MBD2: variants seen among roughly 807,000 people sequenced by gnomAD.
MBD2 encodes methyl-CpG binding domain protein 2.
A neutral mutation model predicts 39.3 loss-of-function variants in MBD2; 9 were observed. The observed-to-expected ratio is 0.23, with a 90% CI of 0.14 to 0.40. MBD2 has a LOEUF of 0.40. Ranked by LOEUF, MBD2 falls within the 10% of genes least tolerant of loss-of-function variation. MBD2 has a pLI of 1.00. For missense variants in MBD2, 458 were observed against 532.6 expected (o/e 0.86, Z 1.38); for synonymous variants, 233 against 211.1 (o/e 1.10, Z -0.90).
intron 2 of MBD2, among the ~76,000 whole-genome samples, chr18:54,190,446 C>G (rs2086312858): frequency 6.6e-6 from 1 of 152,206 alleles, no homozygotes; most frequent in South Asian, 2.1e-4. Flanking sequence ...GGATGGGGTG[C>G]TGTCCAGGGT....
chr18:54,197,195 C>T (rs1270612827), intron 2 of MBD2, among the ~76,000 whole-genome samples: 1 of 152,224 alleles, frequency 6.6e-6, no homozygotes, highest in African/African-American at 2.4e-5. Flanking sequence ...TGGACAAATA[C>T]AACAGCTTCC....
intron 3 of MBD2, among the ~76,000 whole-genome samples, chr18:54,180,890 A>ATTTTTTTTTT (rs1568083459): frequency 5.2e-5 from 6 of 114,590 alleles, no homozygotes; most frequent in African/African-American, 2.2e-4. Context: ...GTATTCCTTA[A>ATTTTTTTTTT]TTTTTTCTTT....
intron 6 of MBD2, among the ~76,000 whole-genome samples, chr18:54,155,585 TAACTACA>T (rs2086046603): frequency 1.3e-5 from 2 of 152,246 alleles, no homozygotes; most frequent in Admixed American, 1.3e-4. Context: ...AAATATTTTC[TAACTACA>T]ATTAACTACA....
chr18:54,172,459 A>G (rs1182430406), intron 3 of MBD2, among the ~76,000 whole-genome samples: 6 of 152,206 alleles, frequency 3.9e-5, no homozygotes, highest in Non-Finnish European at 7.4e-5. Flanking sequence ...AAAGGGAGTG[A>G]TTTGCATATA....
chr18:54,205,899 G>C (rs1439245205), intron 1 of MBD2, among the ~76,000 whole-genome samples: 1 of 151,166 alleles, frequency 6.6e-6, no homozygotes, highest in African/African-American at 2.4e-5. Flanking sequence ...GCAATAATCA[G>C]AAAAAACTTG....
intron 3 of MBD2, among the ~76,000 whole-genome samples, chr18:54,181,292 G>A (rs1457349285): frequency 6.6e-6 from 1 of 152,094 alleles, no homozygotes; most frequent in African/African-American, 2.4e-5. Flanking sequence ...TTGGGCTCTA[G>A]CCCATCATCT....
chr18:54,187,129 G>A (rs1173151057), intron 3 of MBD2, among the ~76,000 whole-genome samples: 1 of 152,056 alleles, frequency 6.6e-6, no homozygotes, highest in Admixed American at 6.6e-5. Context: ...TTAAATTACT[G>A]TTAAAACGGC....
chr18:54,171,160 G>C (rs772990597), intron 3 of MBD2, among the ~76,000 whole-genome samples: 1 of 152,204 alleles, frequency 6.6e-6, no homozygotes, highest in South Asian at 2.1e-4. Flanking sequence ...CCAGCACTTT[G>C]GGAGGCCGAG....
chr18:54,221,330 C>CACCTGT (rs1174077506), intron 1 of MBD2, among the ~76,000 whole-genome samples: 3 of 151,804 alleles, frequency 2.0e-5, no homozygotes, highest in Non-Finnish European at 4.4e-5. Context: ...TGGTGGTGGG[C>CACCTGT]ACCTGTAGTC....
intron 2 of MBD2, among the ~76,000 whole-genome samples, 182 bp downstream of exon 2, chr18:54,204,807 GATACTGAAA>G (rs2086436694): frequency 6.6e-6 from 1 of 152,164 alleles, no homozygotes; most frequent in South Asian, 2.1e-4. Context: ...GACCTAGAGA[GATACTGAAA>G]TGCTGTTTTC....
intron 1 of MBD2, among the ~76,000 whole-genome samples, chr18:54,220,853 C>A (rs535388520): frequency 6.6e-6 from 1 of 152,216 alleles, no homozygotes; most frequent in Non-Finnish European, 1.5e-5. Context: ...TATCATATTA[C>A]GCTACATACA....
intron 1 of MBD2, among the ~76,000 whole-genome samples, chr18:54,212,800 C>T (rs948391743): frequency 4.6e-5 from 7 of 151,804 alleles, no homozygotes; most frequent in Non-Finnish European, 8.8e-5. Flanking sequence ...GAAGCCGAGG[C>T]GGACAGATCA....
rs756994142 is a variant in MBD2, at chr18:54,188,116, G to A, written c.840+758C>T. On this transcript the variant is annotated intron_variant, in intron 3 of 6. Transcript: ENST00000256429. Reference sequence around the variant, plus strand: ...GCAGAGAAAGGAGAGAAAAAAAAACGCACAGATGTTTCTCCCTCCACTCCC... The same window carrying A: ...GCAGAGAAAGGAGAGAAAAAAAAACACACAGATGTTTCTCCCTCCACTCCC... Among the ~76,000 whole-genome samples the A allele has an allele frequency of 2.6e-5, 4 of 152,052 alleles. No individual in the cohort carries two copies. In the South Asian group the frequency reaches 6.2e-4, roughly 24 times the overall value.
intron 6 of MBD2, among the ~76,000 whole-genome samples, chr18:54,155,642 A>C (rs968154134): frequency 6.6e-6 from 1 of 152,256 alleles, no homozygotes; most frequent in South Asian, 2.1e-4. Flanking sequence ...ACAAATGAAA[A>C]AGCAGAACAG....
rs112787094 is a variant in MBD2, at chr18:54,201,521, C to T, written c.702+3477G>A. ...TAAAAATGATGCCCACTTCACCCTA[C>T]CCACCCATCCTAAAATAATTAAAAA... On this transcript the variant is annotated intron_variant, in intron 2 of 6. Transcript: ENST00000256429. Among the ~76,000 whole-genome samples, 782 of 152,248 alleles carry T rather than the reference C, an allele frequency of 5.1e-3. 10 individuals carry two copies. Among genetic ancestry groups the T allele is most frequent in the African/African-American group, 0.016 (668 of 41,540 alleles).
At chr18:54,197,856 T>G (rs2086378334) in intron 2 of MBD2, among the ~76,000 whole-genome samples, 2 of 152,194 alleles carry the variant, frequency 1.3e-5, no homozygotes, top group South Asian at 4.1e-4. Context: ...TGGCCCACAC[T>G]TATCCCTTGG....
intron 3 of MBD2, among the ~76,000 whole-genome samples, chr18:54,174,991 C>T (rs761143759): frequency 4.6e-5 from 7 of 152,164 alleles, no homozygotes; most frequent in African/African-American, 1.7e-4. Context: ...ATGTTAATTT[C>T]CATAAATTAG....
intron 1 of MBD2, among the ~76,000 whole-genome samples, chr18:54,214,002 T>C (rs987255575): frequency 6.7e-6 from 1 of 149,274 alleles, no homozygotes; most frequent in African/African-American, 2.5e-5. Flanking sequence ...TTTCTTTCTT[T>C]CTTTTTTTTT....
intron 2 of MBD2, among the ~76,000 whole-genome samples, chr18:54,199,267 A>G (rs1250620896): frequency 1.3e-5 from 2 of 152,206 alleles, no homozygotes; most frequent in African/African-American, 4.8e-5. Context: ...CAGTTGCTTC[A>G]TAATTTAGAA....
Sources: gnomAD v4.1 joint callset for allele counts (sites outside exome capture counted in the v4.1 genomes callset) on GRCh38, gnomAD v4.1.1 for gene constraint, MANE v1.5 for transcripts, NCBI Gene and HGNC (gene_info 2026-07-23, HGNC 2026-07-21) for gene names.